The following CSMD2 variants were observed in gnomAD, a reference collection of about 807,000 sequenced individuals.
The protein encoded by CSMD2 is CUB and Sushi multiple domains 2.
CSMD2 carries 130 observed loss-of-function variants against 398.5 expected under a neutral mutation model. That is an observed-to-expected ratio of 0.33 (90% confidence interval 0.28 to 0.38). CSMD2 has a LOEUF of 0.38. Among genes scored for constraint, CSMD2 ranks in the 10% least tolerant of loss-of-function variants. The pLI is 1.00. For missense variants in CSMD2, 3,829 were observed against 4,764.9 expected (o/e 0.80, Z 5.78); for synonymous variants, 1,828 against 1,908.5 (o/e 0.96, Z 1.10).
intron 21 of CSMD2, among the ~76,000 whole-genome samples, chr1:33,710,754 G>GAAAC (rs1406670052): frequency 7.0e-5 from 2 of 28,370 alleles, no homozygotes; most frequent in East Asian, 2.1e-3. Context: ...GGAGAACATG[G>GAAAC]AAACCTTCAG....
chr1:34,074,748 G>A (rs562774391), intron 2 of CSMD2, among the ~76,000 whole-genome samples: 36 of 145,194 alleles, frequency 2.5e-4, no homozygotes, highest in African/African-American at 7.8e-4. Flanking sequence ...ACACACACGC[G>A]TGTGTAAAAC....
At chr1:33,656,096 AG>A (rs11310641) in intron 27 of CSMD2, among the ~76,000 whole-genome samples, 142,668 of 152,148 alleles carry the variant, frequency 0.94, 67,011 homozygotes, top group African/African-American at 0.98. Context: ...GGCTTAGGGA[AG>A]GGGAAGGGAG....
At chr1:33,896,757 A>G (rs1371884833) in intron 5 of CSMD2, among the ~76,000 whole-genome samples, 4 of 152,134 alleles carry the variant, frequency 2.6e-5, no homozygotes, top group Non-Finnish European at 5.9e-5. Context: ...GGCATCTGCC[A>G]TTTTAAATAG....
At chr1:33,783,443 C>A (rs961617687) in intron 12 of CSMD2, among the ~76,000 whole-genome samples, 1 of 99,790 alleles carries the variant, frequency 1.0e-5, no homozygotes. Context: ...CTCTCTCTCT[C>A]TCTCTCTCTC....
At chr1:34,165,235 C>G (rs568820082), upstream of CSMD2, 2 of 1,177,430 alleles carry the variant, frequency 1.7e-6, no homozygotes, top group Non-Finnish European at 2.1e-6. Context: ...TGGAATGAAC[C>G]AAGTGTCCGC....
chr1:33,625,020 C>T (rs1642018345), intron 34 of CSMD2, 31 bp downstream of exon 34: 4 of 1,608,438 alleles, frequency 2.5e-6, no homozygotes, highest in Non-Finnish European at 3.4e-6. Flanking sequence ...CCGCCCCCCG[C>T]ACCCTCAACG....
intron 4 of CSMD2, among the ~76,000 whole-genome samples, chr1:33,924,068 A>G (rs1343734338): frequency 1.3e-5 from 2 of 152,160 alleles, no homozygotes; most frequent in African/African-American, 4.8e-5. Flanking sequence ...TTCTACTGTC[A>G]ACCTCTATGA....
At chr1:34,154,373 C>T (rs899145746) in intron 1 of CSMD2, among the ~76,000 whole-genome samples, 1 of 152,152 alleles carries the variant, frequency 6.6e-6, no homozygotes, top group Non-Finnish European at 1.5e-5. Flanking sequence ...AACCCAGGGA[C>T]CAAATCTTCC....
chr1:33,586,995 G>A, intron 45 of CSMD2, 93 bp downstream of exon 45: 2 of 913,378 alleles, frequency 2.2e-6, no homozygotes, highest in Non-Finnish European at 3.4e-6. Flanking sequence ...AGGAGCAGGG[G>A]ATAAGGTCCA....
rs145139713 is a variant in CSMD2 at position 33,600,976 on chromosome 1, C to A, written c.6745G>T (p.Val2249Phe). Residue 2249 changes from valine (V) to phenylalanine (F), a missense_variant, in exon 44 of 71, where the codon GTC becomes TTC. Coordinates refer to ENST00000373381, the MANE Select transcript of CSMD2 (RefSeq NM_001281956.2). ...TTCTTGGCCATGCTCCGGGTGAAGACGCCGAGCCGTGGTGCTGTTTGCTGT... is the reference window on the plus strand; with the variant it reads ...TTCTTGGCCATGCTCCGGGTGAAGAAGCCGAGCCGTGGTGCTGTTTGCTGT... ...GPQQTAPRLG[V>F]FTRSMAKKTV... The A allele has an allele frequency of 3.7e-6, 6 of 1,614,052 alleles. No individual in the cohort carries two copies. The South Asian group carries it at 6.6e-5, about 18-fold the overall frequency.
At chr1:33,971,295 G>A (rs1645753527) in intron 3 of CSMD2, among the ~76,000 whole-genome samples, 2 of 152,168 alleles carry the variant, frequency 1.3e-5, no homozygotes, top group Admixed American at 1.3e-4. Flanking sequence ...CCTGAGGCCG[G>A]CAAAAGTGTC....
Position 33,626,372 on chromosome 1 carries a change from A to T in CSMD2, c.5296+114T>A, listed in dbSNP as rs1191438536. 12 of 654,944 alleles carry T rather than the reference A, an allele frequency of 1.8e-5. No homozygotes were observed. The South Asian group carries it at 2.9e-4, about 16-fold the overall frequency. 40.6% of individuals were successfully genotyped at this position (654,944 alleles called of 1,614,324 possible). Reference sequence around the variant, plus strand: ...GCCCTACAAACTAGTAACTGCCCCCAAACACCCTGAGAAAGGGACTCAGAC... The same window carrying T: ...GCCCTACAAACTAGTAACTGCCCCCTAACACCCTGAGAAAGGGACTCAGAC... On this transcript the variant is annotated intron_variant, in intron 33 of 70. Coordinates refer to ENST00000373381, the MANE Select transcript of CSMD2 (RefSeq NM_001281956.2).
intron 4 of CSMD2, among the ~76,000 whole-genome samples, chr1:33,922,283 C>T (rs1558108159): frequency 6.6e-6 from 1 of 152,002 alleles, no homozygotes; most frequent in Non-Finnish European, 1.5e-5. Context: ...CAGGCAGAAG[C>T]AAAGATACCT....
At chr1:33,613,104 G>A (rs542019338) in intron 40 of CSMD2, among the ~76,000 whole-genome samples, 15 of 152,140 alleles carry the variant, frequency 9.9e-5, no homozygotes, top group African/African-American at 3.1e-4. Flanking sequence ...CTCTTTACAC[G>A]CTGAGACCAG....
At position 33,518,214 on chromosome 1, in the gene CSMD2, T is replaced by C. The variant is rs935776247; in HGVS notation, c.*53+1251A>G. On this transcript the variant is annotated intron_variant, in intron 70 of 70. Transcript: ENST00000373381. The surrounding 1 kb of genome is among the most constrained non-coding windows in gnomAD (Gnocchi z 4.3). ...AAGCGGGATGTGTGGGAGAAGACAGTTCTCAGAGGGGTGCAGCTTGGACAT... is the reference window on the plus strand; with the variant it reads ...AAGCGGGATGTGTGGGAGAAGACAGCTCTCAGAGGGGTGCAGCTTGGACAT... 7.2e-5 allele frequency among the ~76,000 whole-genome samples: 11 copies of C among 152,170 alleles called. No individual in the cohort carries two copies. The highest frequency in any genetic ancestry group is 2.7e-4 in the African/African-American group (11 of 41,434).
At chr1:33,580,274 T>C (rs1570806618) in intron 48 of CSMD2, among the ~76,000 whole-genome samples, 1 of 152,340 alleles carries the variant, frequency 6.6e-6, no homozygotes, top group African/African-American at 2.4e-5. Context: ...CCCAGGATTA[T>C]TTTTTTCAGT....
chr1:33,776,062 ACTCT>A (rs1483903565), intron 12 of CSMD2, among the ~76,000 whole-genome samples: 14 of 152,262 alleles, frequency 9.2e-5, no homozygotes, highest in Non-Finnish European at 1.9e-4. Context: ...AGGTGATATC[ACTCT>A]CTCTAGAGAA....
chr1:33,792,180 G>GC (rs754515071), intron 11 of CSMD2, among the ~76,000 whole-genome samples: 17 of 152,158 alleles, frequency 1.1e-4, no homozygotes, highest in Non-Finnish European at 2.4e-4. Context: ...GATCTCCCCT[G>GC]CCCCCTAACA....
At chr1:33,830,025 T>C (rs10914791) in intron 6 of CSMD2, among the ~76,000 whole-genome samples, 119,168 of 151,748 alleles carry the variant, frequency 0.79, 47,623 homozygotes, top group East Asian at 0.94. Flanking sequence ...CTGGGTGGAG[T>C]GCACCACTGC....
Sources: allele counts gnomAD v4.1 joint callset (sites outside exome capture counted in the v4.1 genomes callset), GRCh38; gene constraint gnomAD v4.1.1; non-coding constraint Gnocchi (gnomAD v3.1); transcripts MANE v1.5; gene names NCBI Gene and HGNC (gene_info 2026-07-23, HGNC 2026-07-21).